The following TENM4 variants were observed in gnomAD, a reference collection of about 807,000 sequenced individuals.
TENM4 encodes the protein teneurin transmembrane protein 4, also known as teneurin-4.
A neutral mutation model predicts 243.3 loss-of-function variants in TENM4; 82 were observed. The observed-to-expected ratio is 0.34, with a 90% CI of 0.28 to 0.40. TENM4 has a LOEUF of 0.40. Among genes scored for constraint, TENM4 ranks in the 10% least tolerant of loss-of-function variants. TENM4 has a pLI of 1.00. For synonymous variants in TENM4, 1,412 were observed against 1,456.3 expected, an observed-to-expected ratio of 0.97 and a Z score of 0.69; for missense variants, 3,138 against 3,673.3, an observed-to-expected ratio of 0.85 and a Z score of 3.77.
chr11:79,381,871 C>T (rs1858011601), intron 1 of TENM4, among the ~76,000 whole-genome samples: 1 of 152,056 alleles, frequency 6.6e-6, no homozygotes, highest in Non-Finnish European at 1.5e-5. Context: ...CAAGGCCGTC[C>T]TGTTCCAGAG....
At chr11:78,797,400 AG>A (rs1435437302) in intron 15 of TENM4, among the ~76,000 whole-genome samples, 1 of 152,210 alleles carries the variant, frequency 6.6e-6, no homozygotes, top group African/African-American at 2.4e-5. Flanking sequence ...AGACAACTAG[AG>A]ATTTTGTACA....
chr11:79,104,838 G>C (rs1329295699), intron 4 of TENM4, among the ~76,000 whole-genome samples: 1 of 152,168 alleles, frequency 6.6e-6, no homozygotes, highest in African/African-American at 2.4e-5. Context: ...GGCTCCAAGG[G>C]GGTTGAGAAG....
chr11:79,256,433 C>T (rs148306258), intron 2 of TENM4, among the ~76,000 whole-genome samples: 189 of 152,304 alleles, frequency 1.2e-3, no homozygotes, highest in African/African-American at 4.1e-3. Flanking sequence ...AACTGCTTTG[C>T]CTAAGGCCAC....
intron 1 of TENM4, among the ~76,000 whole-genome samples, chr11:79,424,853 A>G (rs1384860803): frequency 1.3e-5 from 2 of 151,894 alleles, no homozygotes; most frequent in African/African-American, 4.8e-5. Flanking sequence ...AGAATGGCAT[A>G]AACCTGGGAG....
At chr11:79,322,162 G>A (rs563509853) in intron 1 of TENM4, among the ~76,000 whole-genome samples, 2 of 152,028 alleles carry the variant, frequency 1.3e-5, no homozygotes, top group African/African-American at 4.8e-5. Flanking sequence ...CTGTCCAGAT[G>A]GCCCCTCTGC....
At chr11:79,241,291 T>C (rs1031376260) in intron 2 of TENM4, among the ~76,000 whole-genome samples, 2 of 151,896 alleles carry the variant, frequency 1.3e-5, no homozygotes, top group Admixed American at 6.6e-5. Context: ...GGGAGAAACC[T>C]AAAAGGAGGA....
chr11:79,354,202 G>A (rs1340133212), intron 1 of TENM4, among the ~76,000 whole-genome samples: 1 of 152,180 alleles, frequency 6.6e-6, no homozygotes, highest in Non-Finnish European at 1.5e-5. Context: ...TCACTGAATG[G>A]CATCCTTGTA....
chr11:79,245,455 CT>C (rs977718102), intron 2 of TENM4, among the ~76,000 whole-genome samples: 2 of 152,184 alleles, frequency 1.3e-5, no homozygotes, highest in Non-Finnish European at 2.9e-5. Context: ...CATATCATCC[CT>C]GGCTCCACTA....
intron 12 of TENM4, among the ~76,000 whole-genome samples, chr11:78,837,365 C>A (rs183621986): frequency 4.3e-4 from 65 of 152,272 alleles, no homozygotes; most frequent in Admixed American, 3.1e-3. Flanking sequence ...TTTGAGGCCT[C>A]CCCAGTCATG....
At chr11:79,213,715 C>G (rs1863994944) in intron 3 of TENM4, among the ~76,000 whole-genome samples, 1 of 152,160 alleles carries the variant, frequency 6.6e-6, no homozygotes, top group Admixed American at 6.5e-5. Flanking sequence ...GAAGAGGAGA[C>G]CACACTTCAG....
intron 3 of TENM4, among the ~76,000 whole-genome samples, chr11:79,199,031 C>A (rs565980789): frequency 3.3e-5 from 5 of 152,194 alleles, no homozygotes; most frequent in Admixed American, 6.5e-5. Flanking sequence ...GTTAGCAGAA[C>A]TGGAAGATGG....
intron 1 of TENM4, among the ~76,000 whole-genome samples, chr11:79,341,255 T>G (rs1421431328): frequency 6.6e-6 from 1 of 152,178 alleles, no homozygotes; most frequent in Non-Finnish European, 1.5e-5. Flanking sequence ...TGGGAATGTG[T>G]CATAGCAGCG....
chr11:78,903,294 G>A lies in TENM4; in HGVS notation c.723C>T (p.Leu241=), dbSNP rs1342631462. The change falls in exon 7 of 34, where the codon CTC becomes CTT. Residue 241 remains leucine, a synonymous_variant. Transcript: ENST00000278550. ...EPAHAQENWL[L]NSNIPLETRN... ...TGGTCTCCAGGGGGATGTTGCTGTTGAGCAGCCAGTTCTCCTGGGCGTGGG... is the reference window on the plus strand; with the variant it reads ...TGGTCTCCAGGGGGATGTTGCTGTTAAGCAGCCAGTTCTCCTGGGCGTGGG... 1.3e-6 allele frequency: 2 copies of A among 1,489,180 alleles called. No homozygotes were observed. The highest frequency in any genetic ancestry group is 1.5e-5 in the African/African-American group (1 of 68,018). The allele number at this position is 1,489,180 out of a possible 1,614,324, so 92.2% of individuals were successfully genotyped here.
intron 12 of TENM4, among the ~76,000 whole-genome samples, chr11:78,840,358 T>C (rs2136171233): frequency 6.6e-6 from 1 of 152,236 alleles, no homozygotes; most frequent in Non-Finnish European, 1.5e-5. Context: ...CAGGCTGACA[T>C]GTAATATGAA....
chr11:79,086,671 T>C (rs898025790), intron 4 of TENM4, among the ~76,000 whole-genome samples: 1 of 151,804 alleles, frequency 6.6e-6, no homozygotes, highest in East Asian at 1.9e-4. Context: ...TCATCTCTAC[T>C]AAAAATAGAA....
chr11:79,107,228 G>A (rs1399270518), intron 4 of TENM4, among the ~76,000 whole-genome samples: 1 of 152,038 alleles, frequency 6.6e-6, no homozygotes, highest in African/African-American at 2.4e-5. Context: ...CTTCTCACAA[G>A]GAATAATGAA....
chr11:79,188,720 G>A (rs1863421434), intron 3 of TENM4, among the ~76,000 whole-genome samples: 1 of 151,932 alleles, frequency 6.6e-6, no homozygotes, highest in East Asian at 1.9e-4. Context: ...GAGACGAGGA[G>A]CAGTAGAAAA....
At chr11:79,094,561 A>T (rs1861033426) in intron 4 of TENM4, among the ~76,000 whole-genome samples, 1 of 152,184 alleles carries the variant, frequency 6.6e-6, no homozygotes, top group African/African-American at 2.4e-5. Context: ...GAGAAGTGTC[A>T]AATTCCAGTA....
At chr11:78,687,576 C>G (rs181259893) in intron 29 of TENM4, among the ~76,000 whole-genome samples, 1 of 152,180 alleles carries the variant, frequency 6.6e-6, no homozygotes, top group Non-Finnish European at 1.5e-5. Context: ...AAGACCAACC[C>G]GTAACAGGAT....
Sources: allele counts gnomAD v4.1 joint callset (sites outside exome capture counted in the v4.1 genomes callset), GRCh38; gene constraint gnomAD v4.1.1; transcripts MANE v1.5; gene names NCBI Gene and HGNC (gene_info 2026-07-23, HGNC 2026-07-21).